The following GRHL2 variants were observed in gnomAD, a reference collection of about 807,000 sequenced individuals.
GRHL2 encodes the protein grainyhead-like protein 2 homolog.
Under a neutral mutation model 83.8 loss-of-function variants are expected in GRHL2, and 21 were observed. The observed-to-expected ratio is 0.25, with a 90% CI of 0.18 to 0.36. The LOEUF (loss-of-function observed/expected upper bound fraction) is 0.36. Ranked by LOEUF, GRHL2 falls within the 10% of genes least tolerant of loss-of-function variation. The probability of loss-of-function intolerance (pLI) is 1.00; values close to 1 mark genes in which losing one functional copy is unlikely to be tolerated. For synonymous variants in GRHL2, 280 were observed against 278.9 expected (o/e 1.00, Z -0.04); for missense variants, 623 against 781.8 (o/e 0.80, Z 2.42).
chr8:101,604,477 A>T (rs1812588926), intron 8 of GRHL2, among the ~76,000 whole-genome samples: 1 of 152,136 alleles, frequency 6.6e-6, no homozygotes, highest in Admixed American at 6.5e-5. Context: ...TGATTTTAAG[A>T]TTAAACCAAT....
At chr8:101,573,608 G>A (rs548650) in intron 5 of GRHL2, 60 bp from the exon 6 acceptor site, 28,497 of 1,603,754 alleles carry the variant, frequency 0.018, 359 homozygotes, top group Non-Finnish European at 0.021. Flanking sequence ...TGTGAAATTG[G>A]TCAAAAGAGC....
At position 101,512,981 on chromosome 8, in the gene GRHL2, C is replaced by A. The variant is rs888077535; in HGVS notation, c.20+20192C>A. ...GCCTCTCCACCTCTAAATGCCATCA[C>A]ATTAGGGATAGTATTTCAACATATG... On this transcript the variant is annotated intron_variant, in intron 1 of 15. Transcript: ENST00000646743. Among the ~76,000 whole-genome samples, 3 of 152,276 alleles carry A rather than the reference C, an allele frequency of 2.0e-5. No homozygotes were observed. The South Asian group carries it at 6.2e-4, about 32-fold the overall frequency.
At chr8:101,581,001 C>T (rs1304290671) in intron 7 of GRHL2, among the ~76,000 whole-genome samples, 1 of 152,222 alleles carries the variant, frequency 6.6e-6, no homozygotes, top group Non-Finnish European at 1.5e-5. Flanking sequence ...CTGCGTGCCA[C>T]CATTTTTTAA....
At chr8:101,591,994 T>A (rs1375401664) in intron 7 of GRHL2, among the ~76,000 whole-genome samples, 1 of 151,870 alleles carries the variant, frequency 6.6e-6, no homozygotes, top group Non-Finnish European at 1.5e-5. Context: ...TATTTAGTCC[T>A]CCTAAGAAGG....
intron 7 of GRHL2, among the ~76,000 whole-genome samples, chr8:101,583,402 G>T (rs933545415): frequency 2.1e-4 from 32 of 152,288 alleles, no homozygotes; most frequent in Admixed American, 1.7e-3. Flanking sequence ...TGGCTGTGGG[G>T]GATACAGGGG....
downstream of GRHL2, among the ~76,000 whole-genome samples, chr8:101,673,594 G>C (rs1814243898): frequency 6.6e-6 from 1 of 150,940 alleles, no homozygotes; most frequent in South Asian, 2.1e-4. Context: ...CCTACAAAGA[G>C]ACTTCGACTC....
At chr8:101,587,751 A>C (rs2030786) in intron 7 of GRHL2, among the ~76,000 whole-genome samples, 76,799 of 151,728 alleles carry the variant, frequency 0.51, 20,708 homozygotes, top group Non-Finnish European at 0.59. Context: ...CCAAAAAAAA[A>C]CCTAGAGATA....
intron 1 of GRHL2, among the ~76,000 whole-genome samples, chr8:101,522,215 C>T (rs113605306): frequency 5.3e-5 from 8 of 152,108 alleles, no homozygotes; most frequent in African/African-American, 1.9e-4. Context: ...GTTGGTTCTT[C>T]ATATCCAAGG....
chr8:101,525,069 C>T (rs775951), intron 1 of GRHL2, among the ~76,000 whole-genome samples: 33,588 of 151,870 alleles, frequency 0.22, 4,027 homozygotes, highest in South Asian at 0.34. Context: ...CAGCTTCCTG[C>T]GTAGCTGGGA....
At chr8:101,661,871 G>A (rs1211950318) in intron 14 of GRHL2, among the ~76,000 whole-genome samples, 3 of 152,180 alleles carry the variant, frequency 2.0e-5, no homozygotes, top group Non-Finnish European at 4.4e-5. Flanking sequence ...CTGAAGCCAG[G>A]CTTATCTTTT....
downstream of GRHL2, among the ~76,000 whole-genome samples, chr8:101,671,877 A>G (rs1353661115): frequency 6.6e-6 from 1 of 152,142 alleles, no homozygotes; most frequent in Non-Finnish European, 1.5e-5. Flanking sequence ...CTTGCAGTTC[A>G]CCAATATCGA....
At chr8:101,509,385 G>C (rs149384531) in intron 1 of GRHL2, among the ~76,000 whole-genome samples, 183 of 151,542 alleles carry the variant, frequency 1.2e-3, no homozygotes, top group African/African-American at 4.3e-3. Context: ...CTAGAGCTGC[G>C]GGTTAAAACA....
chr8:101,598,581 A>ATT (rs61519476), intron 7 of GRHL2, among the ~76,000 whole-genome samples: 2,516 of 117,382 alleles, frequency 0.021, 188 homozygotes, highest in South Asian at 0.032. Context: ...GGTCTCCTGA[A>ATT]TTTTTTTTTT....
At chr8:101,575,013 G>A (rs1479166994) in intron 6 of GRHL2, among the ~76,000 whole-genome samples, 6 of 152,134 alleles carry the variant, frequency 3.9e-5, no homozygotes, top group African/African-American at 1.4e-4. Flanking sequence ...AGGGAACCAG[G>A]ATCTACCCCA....
chr8:101,644,143 T>A lies in GRHL2; in HGVS notation c.1530T>A (p.Leu510=). Residue 510 remains leucine, a synonymous_variant, in exon 13 of 16, where the codon CTT becomes CTA. Transcript: ENST00000646743. The part of the protein sequence containing the change: ...TDDEREGGSV[L]VKRMFRPMEE... The stretch of plus-strand genomic sequence containing the variant: ...TTATCTTTTCTAGTGGCAGTGTCCT[T>A]GTTAAACGGATGTTCCGGCCCATGG... The A allele has an allele frequency of 1.2e-6, 2 of 1,614,110 alleles. No individual in the cohort carries two copies. Among genetic ancestry groups the A allele is most frequent in the Non-Finnish European group, 1.7e-6 (2 of 1,179,946 alleles).
intron 1 of GRHL2, among the ~76,000 whole-genome samples, chr8:101,511,596 G>C (rs1478938918): frequency 2.0e-5 from 3 of 151,956 alleles, no homozygotes; most frequent in African/African-American, 4.8e-5. Context: ...TCTGCCCGTT[G>C]CCTTGGCCTT....
intron 2 of GRHL2, among the ~76,000 whole-genome samples, chr8:101,550,749 TA>T (rs1161682070): frequency 2.0e-5 from 3 of 152,246 alleles, no homozygotes; most frequent in Non-Finnish European, 2.9e-5. Flanking sequence ...CTGTACTGTT[TA>T]AACAATAATT....
chr8:101,594,598 G>A (rs542159181), intron 7 of GRHL2, among the ~76,000 whole-genome samples: 1 of 152,362 alleles, frequency 6.6e-6, no homozygotes, highest in East Asian at 1.9e-4. Context: ...TCCCTTGGAA[G>A]ACTTTGAGAG....
At chr8:101,676,046 T>C in the GRHL2 span, among the ~76,000 whole-genome samples, 37,559 of 151,314 alleles carry the variant, frequency 0.25, 4,746 homozygotes, top group African/African-American at 0.31. Context: ...TTACACCTTA[T>C]ACAAAAATTA....
Sources: allele counts gnomAD v4.1 joint callset (sites outside exome capture counted in the v4.1 genomes callset), GRCh38; gene constraint gnomAD v4.1.1; transcripts MANE v1.5; gene names NCBI Gene and HGNC (gene_info 2026-07-23, HGNC 2026-07-21).